Variants in KAZN observed in about 807,000 individuals in gnomAD.
KAZN encodes the protein kazrin, periplakin interacting protein, also known as kazrin.
Under a neutral mutation model 87.4 loss-of-function variants are expected in KAZN, and 40 were observed. The observed-to-expected ratio is 0.46, with a 90% CI of 0.36 to 0.60. The LOEUF is 0.60. KAZN is among the 20% of genes least tolerant of loss of function. KAZN has a pLI of 0.00. For synonymous variants in KAZN, 466 were observed against 458.3 expected (o/e 1.02, Z -0.22); for missense variants, 898 against 1,073.9 (o/e 0.84, Z 2.29).
intron 1 of KAZN, among the ~76,000 whole-genome samples, chr1:14,704,753 T>C (rs1642118805): frequency 6.6e-6 from 1 of 152,138 alleles, no homozygotes; most frequent in Non-Finnish European, 1.5e-5. Flanking sequence ...ACAAATGACA[T>C]CGGGGTTCAG....
At chr1:14,067,028 A>G (rs1463767861) in intron 1 of KAZN, among the ~76,000 whole-genome samples, 1 of 151,390 alleles carries the variant, frequency 6.6e-6, no homozygotes, top group Non-Finnish European at 1.5e-5. Context: ...CCCAAACTCA[A>G]CTGCTGTGTG....
intron 2 of KAZN, among the ~76,000 whole-genome samples, chr1:14,591,511 TTAAG>T (rs1435489192): frequency 6.6e-6 from 1 of 151,980 alleles, no homozygotes; most frequent in Non-Finnish European, 1.5e-5. Flanking sequence ...ATTAGAGACT[TTAAG>T]TATATATGCT....
chr1:14,098,267 G>A (rs1486073853), intron 1 of KAZN, among the ~76,000 whole-genome samples: 1 of 152,148 alleles, frequency 6.6e-6, no homozygotes, highest in Non-Finnish European at 1.5e-5. Flanking sequence ...ACCAGTCCTG[G>A]AACTAAGAAG....
At position 14,657,834 on chromosome 1, in the gene KAZN, C is replaced by G. The variant is rs539018192; in HGVS notation, c.226+58611C>G. Among the ~76,000 whole-genome samples, 35 of 149,612 alleles carry G rather than the reference C, an allele frequency of 2.3e-4. No individual in the cohort carries two copies. The South Asian group carries it at 7.1e-3, about 30-fold the overall frequency. On this transcript the variant is annotated intron_variant, in intron 1 of 14. Coordinates refer to ENST00000376030, the MANE Select transcript of KAZN (RefSeq NM_201628.3). The stretch of plus-strand genomic sequence containing the variant: ...AATGAAATTCTCCCTGTCTCCTGCT[C>G]CTAGTGTTTGTTTGTTTGTTTTTTG...
chr1:14,568,203 G>A (rs1339053046), intron 2 of KAZN, among the ~76,000 whole-genome samples: 1 of 152,162 alleles, frequency 6.6e-6, no homozygotes, highest in African/African-American at 2.4e-5. Flanking sequence ...GAAGCACAAA[G>A]CTACGATGTG....
intron 1 of KAZN, among the ~76,000 whole-genome samples, chr1:14,671,140 G>A (rs1466423389): frequency 6.6e-6 from 1 of 152,172 alleles, no homozygotes; most frequent in Non-Finnish European, 1.5e-5. Context: ...CTGGAGGAGG[G>A]GGTACTTAAA....
Position 14,383,375 on chromosome 1 carries a change from T to C in KAZN, c.249+202783T>C, listed in dbSNP as rs192004438. Among the ~76,000 whole-genome samples the C allele has an allele frequency of 7.4e-4, 112 of 152,110 alleles. 1 individual carries two copies. In the Middle Eastern group the frequency reaches 0.01, roughly 14 times the overall value. The stretch of plus-strand genomic sequence containing the variant: ...TTGCCATTGCTTTTGGTGTTTTAGA[T>C]ATGAAGTCCTTGCCCATGCCTACAT... On this transcript the variant is annotated intron_variant, in intron 2 of 16. Coordinates refer to the KAZN transcript ENST00000636203.
chr1:14,816,820 G>C (rs1646580806), intron 1 of KAZN, among the ~76,000 whole-genome samples: 1 of 152,170 alleles, frequency 6.6e-6, no homozygotes. Flanking sequence ...ATAGATGGAT[G>C]AATGGATGGA....
intron 2 of KAZN, among the ~76,000 whole-genome samples, chr1:14,410,478 A>G (rs1299875225): frequency 6.6e-6 from 1 of 152,224 alleles, no homozygotes; most frequent in African/African-American, 2.4e-5. Context: ...GGGAATTTTC[A>G]GAATTTAGAT....
chr1:14,506,496 G>T (rs1483652930), intron 2 of KAZN, among the ~76,000 whole-genome samples: 1 of 152,196 alleles, frequency 6.6e-6, no homozygotes, highest in African/African-American at 2.4e-5. Flanking sequence ...ACATCAGACT[G>T]CAGAGCCCCA....
chr1:14,230,657 A>G (rs930890425), intron 2 of KAZN, among the ~76,000 whole-genome samples: 3 of 152,156 alleles, frequency 2.0e-5, no homozygotes, highest in East Asian at 3.8e-4. Context: ...GCAAAGTTCT[A>G]TTTCCACATG....
intron 2 of KAZN, among the ~76,000 whole-genome samples, chr1:14,300,226 C>A (rs1654446543): frequency 6.6e-6 from 1 of 151,676 alleles, no homozygotes; most frequent in Admixed American, 6.6e-5. Flanking sequence ...GCATTTGGGG[C>A]TTTATTCCAA....
At chr1:14,768,005 C>T (rs1233934982) in intron 1 of KAZN, among the ~76,000 whole-genome samples, 3 of 152,178 alleles carry the variant, frequency 2.0e-5, no homozygotes, top group Admixed American at 2.0e-4. Context: ...AGAAGGAGCA[C>T]CTACGAGCTT....
chr1:14,727,746 G>A (rs1033702518), intron 1 of KAZN, among the ~76,000 whole-genome samples: 4 of 151,698 alleles, frequency 2.6e-5, no homozygotes, highest in Admixed American at 1.3e-4. Context: ...GATTACAGGC[G>A]TGAGCCACCG....
At chr1:14,013,910 A>C (rs1208180808) in intron 1 of KAZN, among the ~76,000 whole-genome samples, 1 of 152,154 alleles carries the variant, frequency 6.6e-6, no homozygotes, top group African/African-American at 2.4e-5. Flanking sequence ...CCTTTTGCCA[A>C]ACTGGGATTG....
chr1:14,216,844 C>G (rs1646966518), intron 2 of KAZN, among the ~76,000 whole-genome samples: 1 of 152,066 alleles, frequency 6.6e-6, no homozygotes, highest in African/African-American at 2.4e-5. Flanking sequence ...GCGGAGGCTT[C>G]AGTGAGCTGA....
intron 8 of KAZN, among the ~76,000 whole-genome samples, chr1:15,075,642 C>G (rs570145346): frequency 6.6e-6 from 1 of 152,268 alleles, no homozygotes; most frequent in South Asian, 2.1e-4. Flanking sequence ...CTATGGGCCT[C>G]CAGAAGGGAG....
chr1:14,306,828 A>T lies in KAZN; in HGVS notation c.249+126236A>T, dbSNP rs147877152. On this transcript the variant is annotated intron_variant, in intron 2 of 16. Transcript: ENST00000636203. ...CTCAAAGTTCCTGGGCTCTACCTAC[A>T]GAGACGCCTTCACAATCAAAGTTCA... 3.5e-3 allele frequency among the ~76,000 whole-genome samples: 540 copies of T among 152,322 alleles called. 2 individuals carry two copies. Among genetic ancestry groups the T allele is most frequent in the African/African-American group, 0.013 (524 of 41,582 alleles).
At chr1:14,741,950 T>G (rs1644113530) in intron 1 of KAZN, among the ~76,000 whole-genome samples, 1 of 152,116 alleles carries the variant, frequency 6.6e-6, no homozygotes, top group Admixed American at 6.5e-5. Flanking sequence ...TTGTTTTTTT[T>G]TGGGTTGTTT....
Sources: gnomAD v4.1 joint callset for allele counts (sites outside exome capture counted in the v4.1 genomes callset) on GRCh38, gnomAD v4.1.1 for gene constraint, MANE v1.5 for transcripts, NCBI Gene and HGNC (gene_info 2026-07-23, HGNC 2026-07-21) for gene names.